Variants in CELSR2 observed in about 807,000 individuals in gnomAD.
CELSR2 encodes EGF-like protein 2.
Under a neutral mutation model 251.6 loss-of-function variants are expected in CELSR2, and 81 were observed. The observed-to-expected ratio is 0.32, with a 90% CI of 0.27 to 0.39. The LOEUF is 0.39. CELSR2 is among the 10% of genes least tolerant of loss of function. The probability of loss-of-function intolerance (pLI) is 1.00; values close to 1 mark genes in which losing one functional copy is unlikely to be tolerated. For synonymous variants in CELSR2, 1,721 were observed against 1,670.5 expected (o/e 1.03, Z -0.74); for missense variants, 3,365 against 3,947.7 (o/e 0.85, Z 3.96).
intron 9 of CELSR2, 23 bp downstream of exon 9, chr1:109,263,800 G>T (rs777022545): frequency 6.2e-7 from 1 of 1,607,946 alleles, no homozygotes; most frequent in Non-Finnish European, 8.5e-7. Context: ...AGGGCGGCTG[G>T]CCCTGGCCTG....
chr1:109,250,632 A>G lies in CELSR2; in HGVS notation c.553A>G (p.Ser185Gly). Residue 185 changes from serine (S) to glycine (G), a missense_variant, in exon 1 of 34, where the codon AGC becomes GGC. Ser to Gly is a moderately conservative substitution (Grantham distance 56, BLOSUM62 0). Around this residue, in one of 5 missense-constraint regions of CELSR2, gnomAD observed 704 missense variants for 784.1 expected, o/e 0.90. Coordinates refer to ENST00000271332, the MANE Select transcript of CELSR2 (RefSeq NM_001408.3). The surrounding 1 kb of genome is among the most constrained non-coding windows in gnomAD (Gnocchi z 4.4). ...TACAGCCCCCCAGTTCCAGCCCCCC[A>G]GCTACCAGGCCACAGTGCCGGAGAA... ...VNTAPQFQPPSYQATVPENQP... is the reference protein window; with the variant it reads ...VNTAPQFQPPGYQATVPENQP... The G allele has an allele frequency of 1.2e-6, 2 of 1,613,896 alleles. No homozygotes were observed. The highest frequency in any genetic ancestry group is 1.7e-6 in the Non-Finnish European group (2 of 1,179,932).
intron 33 of CELSR2, 117 bp downstream of exon 33, chr1:109,273,787 C>A: frequency 2.0e-6 from 2 of 987,100 alleles, no homozygotes; most frequent in South Asian, 1.7e-5. Context: ...GACAAATGGG[C>A]AGAACTGGCC....
chr1:109,256,384 G>C (rs569836820), intron 1 of CELSR2, among the ~76,000 whole-genome samples: 50 of 152,300 alleles, frequency 3.3e-4, no homozygotes, highest in African/African-American at 1.2e-3. Flanking sequence ...GTGAGAATAA[G>C]CAAGTGATGA....
rs767704150 is a variant in CELSR2 at position 109,273,342 on chromosome 1, T to A, written c.8509+6T>A. Reference sequence around the variant, plus strand: ...TTCTGCCCAGCCTCACAAAGGTGAGTGGGGCACCCCCAGCTGCCGAGCTCC... The same window carrying A: ...TTCTGCCCAGCCTCACAAAGGTGAGAGGGGCACCCCCAGCTGCCGAGCTCC... On this transcript the variant is annotated splice_donor_region_variant and intron_variant, in intron 32 of 33. Transcript: ENST00000271332. The A allele has an allele frequency of 6.2e-7, 1 of 1,600,084 alleles. No individual in the cohort carries two copies. The highest frequency in any genetic ancestry group is 1.1e-5 in the South Asian group (1 of 88,916).
At chr1:109,266,017 C>G (rs760814795) in intron 14 of CELSR2, 88 bp from the exon 15 acceptor site, 7 of 1,584,956 alleles carry the variant, frequency 4.4e-6, no homozygotes, top group Non-Finnish European at 6.0e-6. Context: ...CCTGGGGAGG[C>G]CTGGGGAGGC....
chr1:109,257,785 C>T (rs1414533164), intron 1 of CELSR2, among the ~76,000 whole-genome samples: 2 of 152,192 alleles, frequency 1.3e-5, no homozygotes, highest in East Asian at 3.8e-4. Context: ...TAACGTGGCT[C>T]AGCTGGATTT....
At position 109,270,069 on chromosome 1, in the gene CELSR2, T is replaced by C. The variant is rs1312178631; in HGVS notation, c.7244T>C (p.Leu2415Pro). The change falls in exon 23 of 34, where the codon CTG (leucine) becomes CCG (proline). Residue 2415 changes from leucine to proline, a missense_variant. Physicochemically the swap from Leu to Pro is moderately conservative, Grantham distance 98. Around this residue, in one of 5 missense-constraint regions of CELSR2, gnomAD observed 2,093 missense variants for 2,382.8 expected, o/e 0.88. Coordinates refer to ENST00000271332, the MANE Select transcript of CELSR2 (RefSeq NM_001408.3). ...RSNQHGIRRN[L>P]TAALGLAQLV... ...AACCAACACGGCATCCGACGTAACC[T>C]GACAGCTGCCCTGGGCCTGGCTCAG... 1 of 1,614,136 alleles carries C rather than the reference T, an allele frequency of 6.2e-7. No individual in the cohort carries two copies. The highest frequency in any genetic ancestry group is 1.7e-5 in the Admixed American group (1 of 60,022).
rs41279700 is a variant in CELSR2 at position 109,250,697 on chromosome 1, C to A, written c.618C>A (p.Ile206=). The A allele has an allele frequency of 1.2e-6, 2 of 1,614,078 alleles. No individual in the cohort carries two copies. The highest frequency in any genetic ancestry group is 2.2e-5 in the South Asian group (2 of 91,086). ...CCCCTGTTGCATCCCTGAGGGCCAT[C>A]GACCCGGACGAGGGTGAGGCAGGTC... The part of the protein sequence containing the change: ...AGTPVASLRA[I]DPDEGEAGRL... The change falls in exon 1 of 34, where the codon ATC becomes ATA. Residue 206 remains isoleucine (I), a synonymous_variant. Coordinates refer to ENST00000271332, the MANE Select transcript of CELSR2 (RefSeq NM_001408.3). This position sits in a 1 kb window ranked among gnomAD's most constrained non-coding sequence, Gnocchi z 4.4.
rs562846662 is a variant in CELSR2 at position 109,272,172 on chromosome 1, C to A, written c.7927-106C>A. On this transcript the variant is annotated intron_variant, in intron 28 of 33. Transcript: ENST00000271332. ...CAGGGCCCTCTCTTTCAGACCTGAG[C>A]ATGTGGAAGGTGGAACTTAGGGCAA... 7.9e-5 allele frequency: 110 copies of A among 1,387,538 alleles called. No individual in the cohort carries two copies. In the African/African-American group the frequency reaches 1.4e-3, roughly 18 times the overall value. 86.0% of individuals were successfully genotyped at this position (1,387,538 alleles called of 1,614,324 possible).
chr1:109,268,894 C>T lies in CELSR2; in HGVS notation c.6517C>T (p.Arg2173Cys), dbSNP rs142780237. ...CCCTTCCTTAGTCATCTCCGTAGTG[C>T]GCTTGGACAAAGGGAACTTTGCTGG... ...VTPNIVISVV[R>C]LDKGNFAGAK... The change falls in exon 19 of 34, where the codon CGC (arginine) becomes TGC (cysteine). Residue 2173 changes from arginine to cysteine, a missense_variant. Arg to Cys is a radical substitution (Grantham distance 180). Transcript: ENST00000271332. 1.6e-5 allele frequency: 25 copies of T among 1,610,842 alleles called. No homozygotes were observed. The highest frequency in any genetic ancestry group is 2.2e-5 in the South Asian group (2 of 90,854).
In CELSR2 at chr1:109,271,521, C is replaced by G; in HGVS notation, c.7803+9C>G. On this transcript the variant is annotated intron_variant, in intron 27 of 33. Transcript: ENST00000271332. Reference sequence around the variant, plus strand: ...CCTGCAATTGCATCCAGGTACCTGGCCCAGCCTGTGGAGAAGGGAGGCACC... The same window carrying G: ...CCTGCAATTGCATCCAGGTACCTGGGCCAGCCTGTGGAGAAGGGAGGCACC... The G allele has an allele frequency of 1.2e-6, 2 of 1,614,150 alleles. No individual in the cohort carries two copies. The highest frequency in any genetic ancestry group is 1.7e-6 in the Non-Finnish European group (2 of 1,180,008).
In CELSR2 at chr1:109,273,665, C is replaced by T; in HGVS notation, c.8739C>T (p.Gly2913=). ...GCACGGTGGATGAGGACTCGTCAGG[C>T]TCCGAGTGAGTGTGGCCGGGTGGGC... ...KAGTVDEDSS[G]SEFLFFNFLH The change falls in exon 33 of 34, where the codon GGC becomes GGT. Residue 2913 remains glycine, a synonymous_variant. Transcript: ENST00000271332. 6.8e-7 allele frequency: 1 copy of T among 1,465,150 alleles called. No individual in the cohort carries two copies. The highest frequency in any genetic ancestry group is 2.5e-5 in the East Asian group (1 of 40,144). 90.8% of individuals were successfully genotyped at this position (1,465,150 alleles called of 1,614,324 possible). A position where few individuals can be genotyped will look rare whatever the true frequency, so the allele number is the denominator to read the frequency against.
At position 109,261,787 on chromosome 1, in the gene CELSR2, C is replaced by T. The variant is rs1214380013; in HGVS notation, c.4298-21C>T. 2 of 1,579,434 alleles carry T rather than the reference C, an allele frequency of 1.3e-6. No individual in the cohort carries two copies. The highest frequency in any genetic ancestry group is 8.6e-7 in the Non-Finnish European group (1 of 1,160,262). ...TCCTAGCCCTCGTCAGGCATTCCAG[C>T]TCACCTGGTCCTTTCCCCAGGGGAG... On this transcript the variant is annotated intron_variant, in intron 4 of 33. Coordinates refer to ENST00000271332, the MANE Select transcript of CELSR2 (RefSeq NM_001408.3). This position sits in a 1 kb window ranked among gnomAD's most constrained non-coding sequence, Gnocchi z 4.8.
At chr1:109,272,231 C>T in intron 28 of CELSR2, 47 bp from the exon 29 acceptor site, 1 of 1,523,456 alleles carries the variant, frequency 6.6e-7, no homozygotes, top group African/African-American at 1.4e-5. Context: ...CAGCCTGGGG[C>T]CAGCCATCCC....
Position 109,269,720 on chromosome 1 carries a change from C to A in CELSR2, c.7007C>A (p.Ala2336Asp). 1 of 1,614,072 alleles carries A rather than the reference C, an allele frequency of 6.2e-7. No homozygotes were observed. The highest frequency in any genetic ancestry group is 1.1e-5 in the South Asian group (1 of 91,080). The change falls in exon 22 of 34, where the codon GCC (alanine) becomes GAC (aspartate). Residue 2336 changes from alanine (A) to aspartate (D), a missense_variant. By Grantham distance (126) the Ala-to-Asp change is moderately radical (BLOSUM62 -2). This residue lies in a region of CELSR2 where 2,093 missense variants were observed against 2,382.8 expected (regional missense o/e 0.88). Coordinates refer to ENST00000271332, the MANE Select transcript of CELSR2 (RefSeq NM_001408.3). This position sits in a 1 kb window ranked among gnomAD's most constrained non-coding sequence, Gnocchi z 6.4. ...ILVSGTGGWS[A>D]RGCEVVFRNE... The stretch of plus-strand genomic sequence containing the variant: ...GTCAGTGGCACAGGTGGCTGGTCGG[C>A]CAGAGGCTGTGAAGTCGTCTTCCGC...
In CELSR2 at chr1:109,251,110, C is replaced by G. The variant is rs961341501; in HGVS notation, c.1031C>G (p.Pro344Arg). The change falls in exon 1 of 34, where the codon CCT becomes CGT. Residue 344 changes from proline (P) to arginine (R), a missense_variant. This residue lies in a region of CELSR2 where 704 missense variants were observed against 784.1 expected (regional missense o/e 0.90). Coordinates refer to ENST00000271332, the MANE Select transcript of CELSR2 (RefSeq NM_001408.3). This position sits in a 1 kb window ranked among gnomAD's most constrained non-coding sequence, Gnocchi z 4.9. The stretch of plus-strand genomic sequence containing the variant: ...CCCTCTGAAGTCTTTGAGATCGACC[C>G]TCGCTCTGGGGTGATCCGAACCCGT... Reference protein sequence around the residue: ...GSPSEVFEIDPRSGVIRTRGP... With the variant: ...GSPSEVFEIDRRSGVIRTRGP... 11 of 1,613,178 alleles carry G rather than the reference C, an allele frequency of 6.8e-6. No homozygotes were observed. Among genetic ancestry groups the G allele is most frequent in the Admixed American group, 6.7e-5 (4 of 59,970 alleles).
At position 109,249,993 on chromosome 1, in the gene CELSR2, C is replaced by G. The variant is rs1359203879; in HGVS notation, c.-87C>G. On this transcript the variant is annotated 5_prime_UTR_variant, in exon 1 of 34. Transcript: ENST00000271332. ...GCCCCCGGGGACTGGCGCCCTGGCCCGGGCATGAGGCGCGGCGGGGCCGGC... is the reference window on the plus strand; with the variant it reads ...GCCCCCGGGGACTGGCGCCCTGGCCGGGGCATGAGGCGCGGCGGGGCCGGC... 3 of 1,185,808 alleles carry G rather than the reference C, an allele frequency of 2.5e-6. No individual in the cohort carries two copies. Among genetic ancestry groups the G allele is most frequent in the East Asian group, 7.1e-5 (2 of 28,160 alleles). The allele number at this position is 1,185,808 out of a possible 1,614,324, so 73.5% of individuals were successfully genotyped here. A position where few individuals can be genotyped will look rare whatever the true frequency, so the allele number is the denominator to read the frequency against.
chr1:109,261,066 G>A lies in CELSR2; in HGVS notation c.3983G>A (p.Arg1328His), dbSNP rs755733592. The change falls in exon 3 of 34, where the codon CGC becomes CAC. Residue 1328 changes from arginine (R) to histidine (H), a missense_variant. Physicochemically the swap from Arg to His is conservative, Grantham distance 29 (BLOSUM62 0). Around this residue, in one of 5 missense-constraint regions of CELSR2, gnomAD observed 2,093 missense variants for 2,382.8 expected, o/e 0.88. Coordinates refer to ENST00000271332, the MANE Select transcript of CELSR2 (RefSeq NM_001408.3). This position sits in a 1 kb window ranked among gnomAD's most constrained non-coding sequence, Gnocchi z 4.8. ...GGTGAGCACTGTGAGGTGAGTGCTC[G>A]CTCAGGCCGTTGCACCCCGGGTGTC... Reference protein sequence around the residue: ...YTGEHCEVSARSGRCTPGVCK... With the variant: ...YTGEHCEVSAHSGRCTPGVCK... 88 of 1,613,324 alleles carry A rather than the reference G, an allele frequency of 5.5e-5. No homozygotes were observed. The highest frequency in any genetic ancestry group is 2.0e-4 in the African/African-American group (15 of 74,898).
chr1:109,261,024 G>A lies in CELSR2; in HGVS notation c.3959-18G>A, dbSNP rs1332503908. 1.3e-6 allele frequency: 2 copies of A among 1,590,930 alleles called. No individual in the cohort carries two copies. Among genetic ancestry groups the A allele is most frequent in the Non-Finnish European group, 1.7e-6 (2 of 1,164,092 alleles). On this transcript the variant is annotated intron_variant, in intron 2 of 33. Transcript: ENST00000271332. This position sits in a 1 kb window ranked among gnomAD's most constrained non-coding sequence, Gnocchi z 4.8. ...GTCCTCAGGTACTTGGTACTCACCT[G>A]CCTTTCCTCTTGTCCAGGTGAGCAC...
Sources: gnomAD v4.1 joint callset for allele counts (sites outside exome capture counted in the v4.1 genomes callset) on GRCh38, gnomAD v4.1.1 for gene constraint, gnomAD v4.1.1 regional missense constraint, Gnocchi (gnomAD v3.1) non-coding constraint, MANE v1.5 for transcripts, NCBI Gene and HGNC (gene_info 2026-07-23, HGNC 2026-07-21) for gene names.